Variants in KIFAP3 observed in about 807,000 individuals in gnomAD.
KIFAP3 encodes kinesin-associated protein 3.
A neutral mutation model predicts 106.5 loss-of-function variants in KIFAP3; 68 were observed. The observed-to-expected ratio is 0.64, with a 90% confidence interval of 0.53 to 0.78. The LOEUF (loss-of-function observed/expected upper bound fraction) is 0.78, where lower values mean the gene tolerates loss of function less well. KIFAP3 is among the 30% of genes least tolerant of loss of function. KIFAP3 has a pLI of 0.00. For synonymous variants in KIFAP3, 320 were observed against 311.5 expected, an observed-to-expected ratio of 1.03 and a Z score of -0.29; for missense variants, 780 against 941.8, an observed-to-expected ratio of 0.83 and a Z score of 2.25.
intron 10 of KIFAP3, among the ~76,000 whole-genome samples, chr1:169,993,684 G>GTC (rs1667224112): frequency 3.5e-5 from 2 of 57,616 alleles, no homozygotes; most frequent in Non-Finnish European, 3.8e-5. Flanking sequence ...TTGTGCCACT[G>GTC]AACGCCAGCC....
At chr1:169,930,972 C>G (rs553209) in intron 19 of KIFAP3, among the ~76,000 whole-genome samples, 1 of 147,592 alleles carries the variant, frequency 6.8e-6, no homozygotes, top group Non-Finnish European at 1.5e-5. Context: ...CAGGCTAGAG[C>G]GCAATGGTGC....
chr1:170,077,800 A>G (rs771543866), upstream of KIFAP3, among the ~76,000 whole-genome samples: 2 of 152,032 alleles, frequency 1.3e-5, no homozygotes, highest in Non-Finnish European at 2.9e-5. Context: ...TCTGAATGTA[A>G]TGATAGGCGC....
intron 3 of KIFAP3, among the ~76,000 whole-genome samples, chr1:170,040,112 TCATA>T (rs1669896401): frequency 6.6e-6 from 1 of 152,140 alleles, no homozygotes; most frequent in South Asian, 2.1e-4. Context: ...CTGTATAAGC[TCATA>T]CATTCTCAAC....
rs201018964 is a variant in KIFAP3 at position 169,961,189 on chromosome 1, C to T, written c.2030G>A (p.Arg677His). The part of the protein sequence containing the change: ...WAKKIQSEKF[R>H]WHNSQWLEMV... ...CTCCAGCCACTGAGAGTTATGCCAG[C>T]GAAACTTTTCACTCTGAATTTTCTT... is the stretch of plus-strand genomic sequence containing the variant. Residue 677 changes from arginine to histidine, a missense_variant, in exon 18 of 20, where the codon CGC becomes CAC. Coordinates refer to ENST00000361580, the MANE Select transcript of KIFAP3 (RefSeq NM_014970.4). 2.1e-5 allele frequency: 34 copies of T among 1,613,310 alleles called. No homozygotes were observed. The highest frequency in any genetic ancestry group is 4.0e-5 in the African/African-American group (3 of 74,986).
chr1:169,963,285 G>A (rs646730), intron 17 of KIFAP3, among the ~76,000 whole-genome samples: 142,699 of 152,290 alleles, frequency 0.94, 66,937 homozygotes, highest in East Asian at 1. Flanking sequence ...ACATGATCTC[G>A]TTCTTTTTTA....
At position 169,981,962 on chromosome 1, in the gene KIFAP3, G is replaced by C. The variant is rs1249912631; in HGVS notation, c.1798+10C>G. On this transcript the variant is annotated intron_variant, in intron 15 of 19. Transcript: ENST00000361580. The stretch of plus-strand genomic sequence containing the variant: ...AGACATTAACATAAAAATAAATTAA[G>C]GTTATTTACCATTTAGCAATTCAAT... 8 of 1,603,038 alleles carry C rather than the reference G, an allele frequency of 5.0e-6. No individual in the cohort carries two copies. The highest frequency in any genetic ancestry group is 1.1e-5 in the South Asian group (1 of 89,396).
intron 1 of KIFAP3, among the ~76,000 whole-genome samples, chr1:170,056,347 C>A (rs1042148253): frequency 6.6e-6 from 1 of 152,126 alleles, no homozygotes; most frequent in South Asian, 2.1e-4. Flanking sequence ...ATAGTAGGTT[C>A]TATGGAAAGG....
At chr1:169,997,897 TA>T (rs11297527) in intron 10 of KIFAP3, among the ~76,000 whole-genome samples, 119,554 of 130,306 alleles carry the variant, frequency 0.92, 54,744 homozygotes, top group East Asian at 0.99. Context: ...AAAAAAAGGA[TA>T]AAAAAAAAAA....
intron 10 of KIFAP3, among the ~76,000 whole-genome samples, chr1:170,006,451 T>C (rs1667965510): frequency 6.6e-6 from 1 of 152,100 alleles, no homozygotes; most frequent in African/African-American, 2.4e-5. Flanking sequence ...CTTATGTTGC[T>C]GGGGCCTGGA....
At chr1:169,967,547 T>C (rs2101879480) in intron 17 of KIFAP3, among the ~76,000 whole-genome samples, 1 of 152,026 alleles carries the variant, frequency 6.6e-6, no homozygotes, top group South Asian at 2.1e-4. Flanking sequence ...ACCTGGGCTC[T>C]GGTTCTAGCT....
chr1:170,016,645 A>G, intron 9 of KIFAP3, 21 bp from the exon 10 acceptor site: 1 of 1,488,566 alleles, frequency 6.7e-7, no homozygotes, highest in Non-Finnish European at 9.1e-7. Context: ...TAATAATACA[A>G]ATACAGTGAA....
chr1:170,015,204 A>G (rs898164982), intron 10 of KIFAP3, among the ~76,000 whole-genome samples: 2 of 152,214 alleles, frequency 1.3e-5, no homozygotes, highest in Non-Finnish European at 2.9e-5. Context: ...TTATTTAATA[A>G]AAGTACATGA....
intron 1 of KIFAP3, among the ~76,000 whole-genome samples, chr1:170,070,004 ACT>A (rs893674012): frequency 6.6e-6 from 1 of 152,084 alleles, no homozygotes; most frequent in Admixed American, 6.6e-5. Context: ...AAAAAAATCC[ACT>A]GTTTTTCTAC....
chr1:170,027,149 A>G lies in KIFAP3; in HGVS notation c.842-2553T>C, dbSNP rs145453592. On this transcript the variant is annotated intron_variant, in intron 8 of 19. Transcript: ENST00000361580. ...ATTCTCCTGCCTCAGCCTCCTGAGT[A>G]GCTGGGATTATAGGCATCCACCACC... Among the ~76,000 whole-genome samples the G allele has an allele frequency of 7.2e-3, 1,089 of 151,248 alleles. 18 individuals carry two copies. Among genetic ancestry groups the G allele is most frequent in the African/African-American group, 0.024 (998 of 41,216 alleles).
At chr1:170,012,723 C>T (rs1668302194) in intron 10 of KIFAP3, among the ~76,000 whole-genome samples, 1 of 151,850 alleles carries the variant, frequency 6.6e-6, no homozygotes, top group South Asian at 2.1e-4. Context: ...TGGCATGCTG[C>T]TAATACAGAC....
At chr1:170,050,215 C>T (rs1027437596) in intron 2 of KIFAP3, among the ~76,000 whole-genome samples, 3 of 151,940 alleles carry the variant, frequency 2.0e-5, no homozygotes, top group Non-Finnish European at 2.9e-5. Context: ...GTATCAATAG[C>T]CAAATCGATC....
At chr1:170,082,206 T>C (rs908719334) in intron 1 of KIFAP3, among the ~76,000 whole-genome samples, 1 of 152,186 alleles carries the variant, frequency 6.6e-6, no homozygotes, top group African/African-American at 2.4e-5. Flanking sequence ...AACATGTCAA[T>C]TGATACAAAT....
At chr1:170,013,990 C>G (rs1258194105) in intron 10 of KIFAP3, among the ~76,000 whole-genome samples, 2 of 152,138 alleles carry the variant, frequency 1.3e-5, no homozygotes, top group Non-Finnish European at 2.9e-5. Context: ...TATCATCACC[C>G]ACATCCAAAC....
intron 5 of KIFAP3, among the ~76,000 whole-genome samples, chr1:170,037,079 C>G (rs982982981): frequency 7.2e-5 from 11 of 152,100 alleles, no homozygotes; most frequent in African/African-American, 2.7e-4. Context: ...AATCAAAATA[C>G]AAAACAACAC....
Sources: allele counts gnomAD v4.1 joint callset (sites outside exome capture counted in the v4.1 genomes callset), GRCh38; gene constraint gnomAD v4.1.1; transcripts MANE v1.5; gene names NCBI Gene and HGNC (gene_info 2026-07-23, HGNC 2026-07-21).